Variants in VGLL3 observed in about 807,000 individuals in gnomAD.
VGLL3 encodes the protein vestigial like family member 3, also known as transcription cofactor vestigial-like protein 3.
In VGLL3, 18 loss-of-function variants were observed where a neutral mutation model predicts 29.2. That is an observed-to-expected ratio of 0.62 (90% CI 0.43 to 0.91). The LOEUF (loss-of-function observed/expected upper bound fraction) is 0.91. Among genes scored for constraint, VGLL3 ranks in the 40% least tolerant of loss-of-function variants. VGLL3 has a pLI of 0.00. For missense variants in VGLL3, 440 were observed against 413.2 expected, an observed-to-expected ratio of 1.06 and a Z score of -0.56; for synonymous variants, 180 against 151.8, an observed-to-expected ratio of 1.19 and a Z score of -1.36.
intron 3 of VGLL3, among the ~76,000 whole-genome samples, chr3:86,954,777 T>G (rs1704682716): frequency 6.6e-6 from 1 of 151,538 alleles, no homozygotes; most frequent in Admixed American, 6.6e-5. Context: ...AAAGCAGATA[T>G]AAAGAAACTT....
intron 1 of VGLL3, among the ~76,000 whole-genome samples, chr3:86,987,945 A>C (rs533586578): frequency 1.3e-5 from 2 of 152,360 alleles, no homozygotes; most frequent in South Asian, 2.1e-4. Flanking sequence ...GAGAGTACAC[A>C]TGCCTGGATA....
chr3:86,956,210 G>GA (rs1178491946), intron 3 of VGLL3, among the ~76,000 whole-genome samples: 13 of 152,148 alleles, frequency 8.5e-5, no homozygotes, highest in African/African-American at 3.1e-4. Context: ...ACCCCTATAT[G>GA]ACAGATGAGA....
intron 3 of VGLL3, 106 bp from the exon 4 acceptor site, chr3:86,947,173 C>T (rs1704525997): frequency 1.4e-6 from 1 of 724,900 alleles, no homozygotes; most frequent in Non-Finnish European, 2.6e-6. Context: ...AATGATAATC[C>T]AGGCAACTGT....
chr3:86,967,871 G>A (rs1195800123), intron 3 of VGLL3, among the ~76,000 whole-genome samples: 1 of 152,148 alleles, frequency 6.6e-6, no homozygotes, highest in Non-Finnish European at 1.5e-5. Flanking sequence ...TTCCAGACAG[G>A]AGATGAATGC....
At chr3:86,971,201 C>A (rs1193809406) in intron 2 of VGLL3, among the ~76,000 whole-genome samples, 2 of 152,124 alleles carry the variant, frequency 1.3e-5, no homozygotes, top group African/African-American at 2.4e-5. Context: ...GTTTTCTTGC[C>A]TCAGGGAAAG....
rs1488908257 is a variant in VGLL3 at position 86,945,683 on chromosome 3, A to G, written c.*1341T>C. Reference sequence around the variant, plus strand: ...ATTTTTAATTTTTAGCCCAATTTAAATTGTATATAACCTCTGGTTTTATTT... The same window carrying G: ...ATTTTTAATTTTTAGCCCAATTTAAGTTGTATATAACCTCTGGTTTTATTT... On this transcript the variant is annotated 3_prime_UTR_variant, in exon 4 of 4. Transcript: ENST00000398399. 1 of 152,178 alleles carries G rather than the reference A, an allele frequency of 6.6e-6. No homozygotes were observed. The highest frequency in any genetic ancestry group is 2.4e-5 in the African/African-American group (1 of 41,462). The allele number at this position is 152,178 out of a possible 1,614,324, so 9.4% of individuals were successfully genotyped here. A position where few individuals can be genotyped will look rare whatever the true frequency, so the allele number is the denominator to read the frequency against.
At chr3:86,971,504 C>G (rs1309668682) in intron 2 of VGLL3, among the ~76,000 whole-genome samples, 1 of 152,332 alleles carries the variant, frequency 6.6e-6, no homozygotes, top group Admixed American at 6.5e-5. Flanking sequence ...AAGAATGGAA[C>G]TGCACACTTT....
At chr3:86,956,647 A>T (rs954678413) in intron 3 of VGLL3, among the ~76,000 whole-genome samples, 88 of 152,096 alleles carry the variant, frequency 5.8e-4, no homozygotes, top group African/African-American at 2.0e-3. Flanking sequence ...TTAGCCGGGC[A>T]TGTTGGCGGC....
At chr3:86,955,232 A>T (rs1438302010) in intron 3 of VGLL3, among the ~76,000 whole-genome samples, 2 of 152,194 alleles carry the variant, frequency 1.3e-5, no homozygotes, top group Non-Finnish European at 2.9e-5. Flanking sequence ...GCTGAAATAT[A>T]CTTGCATTTT....
chr3:86,965,326 C>T (rs1357023349), intron 3 of VGLL3, among the ~76,000 whole-genome samples: 1 of 152,164 alleles, frequency 6.6e-6, no homozygotes, highest in Admixed American at 6.5e-5. Context: ...AGGTTCTTCT[C>T]TTGGCTGCTC....
At chr3:86,983,431 G>A (rs568798281) in intron 1 of VGLL3, among the ~76,000 whole-genome samples, 1 of 152,138 alleles carries the variant, frequency 6.6e-6, no homozygotes, top group Non-Finnish European at 1.5e-5. Flanking sequence ...TGCACTCATT[G>A]CCCAGGCTGG....
At chr3:86,983,867 G>C (rs1319516305) in intron 1 of VGLL3, among the ~76,000 whole-genome samples, 1 of 152,170 alleles carries the variant, frequency 6.6e-6, no homozygotes, top group Non-Finnish European at 1.5e-5. Context: ...GTATTCCCAA[G>C]TAATAAGTTA....
At chr3:86,961,764 T>C (rs971712730) in intron 3 of VGLL3, 3 of 233,008 alleles carry the variant, frequency 1.3e-5, no homozygotes, top group Non-Finnish European at 1.4e-5. Flanking sequence ...CGCAGCTTAA[T>C]GTAAGGTGAA....
intron 3 of VGLL3, chr3:86,962,298 A>G (rs1170514521): frequency 1.0e-6 from 1 of 985,446 alleles, no homozygotes; most frequent in African/African-American, 1.7e-5. Flanking sequence ...ACAGCAAAGC[A>G]ACACCAAGAC....
chr3:86,967,384 G>C (rs896870610), intron 3 of VGLL3, among the ~76,000 whole-genome samples: 1 of 152,168 alleles, frequency 6.6e-6, no homozygotes, highest in African/African-American at 2.4e-5. Context: ...GGATTACCAA[G>C]TCCCCTGATA....
chr3:86,975,934 A>C (rs1296859241), intron 2 of VGLL3, among the ~76,000 whole-genome samples: 1 of 152,082 alleles, frequency 6.6e-6, no homozygotes, highest in African/African-American at 2.4e-5. Context: ...CAACATGGTG[A>C]AACCCCGTCT....
At position 86,945,635 on chromosome 3, in the gene VGLL3, G is replaced by A. The variant is rs974213773; in HGVS notation, c.*1389C>T. 3 of 152,084 alleles carry A rather than the reference G, an allele frequency of 2.0e-5. No homozygotes were observed. The highest frequency in any genetic ancestry group is 4.4e-5 in the Non-Finnish European group (3 of 68,002). 9.4% of individuals were successfully genotyped at this position (152,084 alleles called of 1,614,324 possible). ...TTTAAACTTTATTTAGATCCTGAGA[G>A]CTATATCAAGTTAAATCCTCAAATT... On this transcript the variant is annotated 3_prime_UTR_variant, in exon 4 of 4. Transcript: ENST00000398399.
At chr3:86,984,661 A>G (rs2107067018) in intron 1 of VGLL3, among the ~76,000 whole-genome samples, 1 of 152,296 alleles carries the variant, frequency 6.6e-6, no homozygotes. Context: ...TTCATTTTTA[A>G]GGTAATTTAT....
intron 3 of VGLL3, among the ~76,000 whole-genome samples, chr3:86,961,036 ACCT>A (rs1704828556): frequency 6.6e-6 from 1 of 151,110 alleles, no homozygotes; most frequent in African/African-American, 2.4e-5. Flanking sequence ...GTATATGAAT[ACCT>A]CAATTCTAAG....
Sources: gnomAD v4.1 joint callset for allele counts (sites outside exome capture counted in the v4.1 genomes callset) on GRCh38, gnomAD v4.1.1 for gene constraint, MANE v1.5 for transcripts, NCBI Gene and HGNC (gene_info 2026-07-23, HGNC 2026-07-21) for gene names.